The following SETD2 variants were observed in gnomAD, a reference collection of about 807,000 sequenced individuals.
SETD2 encodes SET domain containing 2, histone lysine methyltransferase.
A neutral mutation model predicts 242.1 loss-of-function variants in SETD2; 31 were observed. The observed-to-expected ratio is 0.13, with a 90% CI of 0.10 to 0.17. SETD2 has a LOEUF of 0.17. Ranked by LOEUF, SETD2 falls within the 10% of genes least tolerant of loss-of-function variation. The probability of loss-of-function intolerance (pLI) is 1.00; values close to 1 mark genes in which losing one functional copy is unlikely to be tolerated. For synonymous variants in SETD2, 1,006 were observed against 1,066.5 expected (o/e 0.94, Z 1.11); for missense variants, 2,481 against 3,046.3 (o/e 0.81, Z 4.37).
intron 18 of SETD2, chr3:47,028,776 G>A (rs1178535644): frequency 6.6e-6 from 1 of 152,514 alleles, no homozygotes; most frequent in African/African-American, 2.4e-5. Context: ...AGACTCCTGA[G>A]AAGCACAGGT....
chr3:47,027,958 A>AT (rs2038580325), intron 18 of SETD2, among the ~76,000 whole-genome samples: 1 of 151,518 alleles, frequency 6.6e-6, no homozygotes, highest in Non-Finnish European at 1.5e-5. Context: ...CACCTGACTA[A>AT]TTTTTTGTAT....
intron 17 of SETD2, among the ~76,000 whole-genome samples, chr3:47,040,291 T>TTAA (rs1382081817): frequency 6.6e-6 from 1 of 152,150 alleles, no homozygotes; most frequent in African/African-American, 2.4e-5. Flanking sequence ...TAGAAGCATT[T>TTAA]TAATGCGAGT....
At chr3:47,160,137 G>A (rs187961819) in intron 1 of SETD2, among the ~76,000 whole-genome samples, 2 of 152,022 alleles carry the variant, frequency 1.3e-5, no homozygotes, top group Admixed American at 1.3e-4. Flanking sequence ...TTATTAACAT[G>A]GCTACTTCTC....
chr3:47,065,239 T>C (rs1338308715), intron 13 of SETD2, among the ~76,000 whole-genome samples: 3 of 152,050 alleles, frequency 2.0e-5, no homozygotes, highest in Non-Finnish European at 4.4e-5. Context: ...TGTGAGGCTA[T>C]GAAGAGACTA....
In SETD2 at chr3:47,017,571, G is replaced by A; in HGVS notation, c.7533+67C>T. On this transcript the variant is annotated intron_variant, in intron 20 of 20. Coordinates refer to ENST00000409792, the MANE Select transcript of SETD2 (RefSeq NM_014159.7). This position sits in a 1 kb window ranked among gnomAD's most constrained non-coding sequence, Gnocchi z 4.8. ...AAAAATACTTTCTATGATGAAAAGGGCTTCTTAGAAGGTACACAGTTTGCC... is the reference window on the plus strand; with the variant it reads ...AAAAATACTTTCTATGATGAAAAGGACTTCTTAGAAGGTACACAGTTTGCC... 1 of 1,133,152 alleles carries A rather than the reference G, an allele frequency of 8.8e-7. No individual in the cohort carries two copies. The allele number at this position is 1,133,152 out of a possible 1,614,324, so 70.2% of individuals were successfully genotyped here.
At chr3:47,087,845 T>C (rs911624737) in intron 10 of SETD2, among the ~76,000 whole-genome samples, 1 of 134,518 alleles carries the variant, frequency 7.4e-6, no homozygotes, top group Non-Finnish European at 1.6e-5. Flanking sequence ...GGCTGGCGCC[T>C]GTAATCCCAG....
At chr3:47,034,687 T>G (rs2038924795) in intron 18 of SETD2, among the ~76,000 whole-genome samples, 1 of 152,206 alleles carries the variant, frequency 6.6e-6, no homozygotes, top group South Asian at 2.1e-4. Flanking sequence ...GCAAAGCAAA[T>G]CAAATGACAA....
At chr3:47,090,203 T>A (rs541489029) in intron 9 of SETD2, among the ~76,000 whole-genome samples, 1 of 152,048 alleles carries the variant, frequency 6.6e-6, no homozygotes, top group African/African-American at 2.4e-5. Context: ...ACCAAGATTG[T>A]GCCACTGTAC....
chr3:47,097,926 T>A (rs2107673831), intron 9 of SETD2, 29 bp downstream of exon 9: 1 of 1,608,900 alleles, frequency 6.2e-7, no homozygotes, highest in South Asian at 1.1e-5. Flanking sequence ...TTTTTTATTG[T>A]GAAAGTTGAA....
chr3:47,106,209 A>C lies in SETD2; in HGVS notation c.4716-89T>G, dbSNP rs183346792. The C allele has an allele frequency of 3.8e-5, 43 of 1,119,940 alleles. 1 individual carries two copies. In the East Asian group the frequency reaches 1.0e-3, roughly 27 times the overall value. The allele number at this position is 1,119,940 out of a possible 1,614,324, so 69.4% of individuals were successfully genotyped here. A position where few individuals can be genotyped will look rare whatever the true frequency, so the allele number is the denominator to read the frequency against. On this transcript the variant is annotated intron_variant, in intron 5 of 20. Coordinates refer to ENST00000409792, the MANE Select transcript of SETD2 (RefSeq NM_014159.7). The stretch of plus-strand genomic sequence containing the variant: ...TCAGGCAAAAATAAGGAATTTAAAT[A>C]AATACTGCAATGTGGATAAATTCAG...
At chr3:47,046,708 A>T (rs1454626598) in intron 15 of SETD2, 87 bp from the exon 16 acceptor site, 2 of 1,189,712 alleles carry the variant, frequency 1.7e-6, no homozygotes, top group East Asian at 5.3e-5. Context: ...AATCTTAAAG[A>T]TATACCCATA....
At chr3:47,065,682 A>T (rs2040529619) in intron 13 of SETD2, among the ~76,000 whole-genome samples, 1 of 152,180 alleles carries the variant, frequency 6.6e-6, no homozygotes, top group South Asian at 2.1e-4. Context: ...ACACACCTAT[A>T]GTCTCAGCTA....
chr3:47,026,800 C>T (rs1189437086), intron 18 of SETD2, among the ~76,000 whole-genome samples: 1 of 151,788 alleles, frequency 6.6e-6, no homozygotes, highest in African/African-American at 2.4e-5. Flanking sequence ...ACACTGGGGC[C>T]TGTCAGGGGG....
intron 5 of SETD2, among the ~76,000 whole-genome samples, chr3:47,108,079 G>C (rs533279892): frequency 6.6e-6 from 1 of 151,894 alleles, no homozygotes; most frequent in South Asian, 2.1e-4. Flanking sequence ...GGGAGTTTCC[G>C]ACCAGCTGGG....
intron 1 of SETD2, among the ~76,000 whole-genome samples, chr3:47,142,053 T>TC (rs1024297250): frequency 6.6e-6 from 1 of 152,170 alleles, no homozygotes; most frequent in African/African-American, 2.4e-5. Flanking sequence ...AATGCACCAC[T>TC]ATCCATCATT....
rs2107739484 is a variant in SETD2, at chr3:47,120,246, C to T, written c.4390G>A (p.Ala1464Thr). 1 of 1,600,078 alleles carries T rather than the reference C, an allele frequency of 6.2e-7. No individual in the cohort carries two copies. Among genetic ancestry groups the T allele is most frequent in the Non-Finnish European group, 8.5e-7 (1 of 1,174,546 alleles). The part of the protein sequence containing the change: ...FRDPQRWKEC[A>T]KQGKMPCYFD... ...TAACATGGCATTTTCCCTTGCTTGGCACATTCCTTCCATCGCTGTGGGTCC... is the reference window on the plus strand; with the variant it reads ...TAACATGGCATTTTCCCTTGCTTGGTACATTCCTTCCATCGCTGTGGGTCC... Residue 1464 changes from alanine (A) to threonine (T), a missense_variant, in exon 3 of 21, where the codon GCC (alanine) becomes ACC (threonine). Ala to Thr is a moderately conservative substitution (Grantham distance 58). Around this residue, in one of 17 missense-constraint regions of SETD2, gnomAD observed 48 missense variants for 76.6 expected, o/e 0.63. Coordinates refer to ENST00000409792, the MANE Select transcript of SETD2 (RefSeq NM_014159.7).
intron 11 of SETD2, 87 bp from the exon 12 acceptor site, chr3:47,084,469 G>C: frequency 1.1e-6 from 1 of 893,996 alleles, no homozygotes; most frequent in Non-Finnish European, 1.7e-6. Flanking sequence ...CTGTCACCCA[G>C]GCTGGAATGC....
chr3:47,039,994 T>C (rs1418565752), intron 17 of SETD2, among the ~76,000 whole-genome samples: 1 of 152,016 alleles, frequency 6.6e-6, no homozygotes, highest in African/African-American at 2.4e-5. Context: ...TTTTGTTTTT[T>C]GAGATAGAGT....
At chr3:47,105,410 TAAAA>T (rs11391574) in intron 6 of SETD2, among the ~76,000 whole-genome samples, 1 of 122,652 alleles carries the variant, frequency 8.2e-6, no homozygotes, top group African/African-American at 3.1e-5. Flanking sequence ...ACACTATCTC[TAAAA>T]AAAAAAAAAA....
Sources: allele counts gnomAD v4.1 joint callset (sites outside exome capture counted in the v4.1 genomes callset), GRCh38; gene constraint gnomAD v4.1.1; regional missense constraint gnomAD v4.1.1; non-coding constraint Gnocchi (gnomAD v3.1); transcripts MANE v1.5; gene names NCBI Gene and HGNC (gene_info 2026-07-23, HGNC 2026-07-21).